The following CHD1L variants were observed in gnomAD, a reference collection of about 807,000 sequenced individuals.
CHD1L encodes the protein ATP-dependent chromatin remodeler CHD1L.
Under a neutral mutation model 115.9 loss-of-function variants are expected in CHD1L, and 118 were observed. The observed-to-expected ratio is 1.02, with a 90% CI of 0.88 to 1.19. The LOEUF is 1.19. Ranked by LOEUF, CHD1L falls within the 50% of genes most tolerant of loss-of-function variation. CHD1L has a pLI of 0.00. For missense variants in CHD1L, 1,179 were observed against 1,065.3 expected (o/e 1.11, Z -1.49); for synonymous variants, 411 against 387.1 (o/e 1.06, Z -0.72).
At chr1:147,287,175 G>A (rs80109976) in intron 18 of CHD1L, among the ~76,000 whole-genome samples, 2,562 of 152,284 alleles carry the variant, frequency 0.017, 72 homozygotes, top group African/African-American at 0.058. Flanking sequence ...GCTACCAAAC[G>A]TTTGTAGTGT....
At chr1:147,197,167 C>T in the CHD1L span, among the ~76,000 whole-genome samples, 1 of 152,104 alleles carries the variant, frequency 6.6e-6, no homozygotes, top group South Asian at 2.1e-4. Context: ...CTTGCAGTTC[C>T]CAGAACTCTA....
chr1:147,271,780 G>A (rs587638788), intron 11 of CHD1L, among the ~76,000 whole-genome samples: 2 of 152,280 alleles, frequency 1.3e-5, no homozygotes, highest in South Asian at 2.1e-4. Context: ...GCAGATTGCT[G>A]GACTGTTAGA....
At chr1:147,191,504 A>T in the CHD1L span, among the ~76,000 whole-genome samples, 1 of 151,400 alleles carries the variant, frequency 6.6e-6, no homozygotes, top group Non-Finnish European at 1.5e-5. Flanking sequence ...GTCTGTTCAT[A>T]TCCTTTGCCC....
the CHD1L span, among the ~76,000 whole-genome samples, chr1:147,214,523 A>G: frequency 6.6e-6 from 1 of 151,490 alleles, no homozygotes; most frequent in Non-Finnish European, 1.5e-5. Flanking sequence ...AGCACTATTT[A>G]TAGTTCCTCT....
At position 147,253,124 on chromosome 1, in the gene CHD1L, T is replaced by C. The variant is rs1350653065; in HGVS notation, c.240+389T>C. Among the ~76,000 whole-genome samples the C allele has an allele frequency of 2.0e-5, 3 of 152,238 alleles. No individual in the cohort carries two copies. In the East Asian group the frequency reaches 5.8e-4, roughly 29 times the overall value. On this transcript the variant is annotated intron_variant, in intron 2 of 22. Coordinates refer to ENST00000369258, the MANE Select transcript of CHD1L (RefSeq NM_004284.6). Reference sequence around the variant, plus strand: ...GTAGTGTCATTATCTAATTTTAGTATTGGGGTAAAGCTGGCCTTGTAGAAT... The same window carrying C: ...GTAGTGTCATTATCTAATTTTAGTACTGGGGTAAAGCTGGCCTTGTAGAAT...
intron 6 of CHD1L, among the ~76,000 whole-genome samples, chr1:147,264,134 T>G (rs1438216774): frequency 7.2e-5 from 11 of 152,216 alleles, no homozygotes; most frequent in Non-Finnish European, 8.8e-5. Context: ...ACAGCCATAT[T>G]AAATTCTCAT....
chr1:147,283,924 A>G (rs1490471314), intron 15 of CHD1L, among the ~76,000 whole-genome samples: 2 of 152,222 alleles, frequency 1.3e-5, no homozygotes, highest in African/African-American at 4.8e-5. Flanking sequence ...CCAAGGGATT[A>G]TTTTTGTGAT....
chr1:147,280,912 GCTT>G (rs1196399209), intron 15 of CHD1L, among the ~76,000 whole-genome samples: 2 of 152,100 alleles, frequency 1.3e-5, no homozygotes, highest in Non-Finnish European at 2.9e-5. Context: ...GTCTTACTAG[GCTT>G]CTTAATTCAC....
chr1:147,189,221 C>T, the CHD1L span, among the ~76,000 whole-genome samples: 6 of 150,964 alleles, frequency 4.0e-5, no homozygotes, highest in African/African-American at 9.8e-5. Flanking sequence ...TTGCAGTGAG[C>T]GAAGATCGTG....
chr1:147,278,968 AG>A (rs1279945404), intron 14 of CHD1L, among the ~76,000 whole-genome samples: 1 of 152,220 alleles, frequency 6.6e-6, no homozygotes, highest in Non-Finnish European at 1.5e-5. Context: ...AGGGAGAGCC[AG>A]GAGGTGAGCA....
intron 11 of CHD1L, among the ~76,000 whole-genome samples, chr1:147,271,920 C>T (rs1553953541): frequency 6.6e-6 from 1 of 152,208 alleles, no homozygotes; most frequent in East Asian, 1.9e-4. Flanking sequence ...TGAGTATTAA[C>T]TTCATAAGTG....
At chr1:147,270,574 A>G (rs1430608799) in intron 10 of CHD1L, among the ~76,000 whole-genome samples, 1 of 151,170 alleles carries the variant, frequency 6.6e-6, no homozygotes, top group African/African-American at 2.4e-5. Context: ...ACATATCTGT[A>G]TTTATTTTGC....
chr1:147,236,432 G>A, the CHD1L span, among the ~76,000 whole-genome samples: 1 of 152,240 alleles, frequency 6.6e-6, no homozygotes, highest in Non-Finnish European at 1.5e-5. Context: ...CTGCGTCCAA[G>A]TAGAATGATG....
At chr1:147,259,362 A>G (rs781791418) in intron 5 of CHD1L, 2 of 152,576 alleles carry the variant, frequency 1.3e-5, no homozygotes, top group Non-Finnish European at 2.9e-5. Context: ...AAGTTCCTAC[A>G]ACACCACTGT....
the CHD1L span, among the ~76,000 whole-genome samples, chr1:147,191,151 C>A: frequency 6.9e-4 from 105 of 152,218 alleles, no homozygotes; most frequent in Admixed American, 2.8e-3. Context: ...CATACGTGTG[C>A]ATGTGTCTTT....
chr1:147,249,341 C>G (rs587674722), intron 1 of CHD1L, among the ~76,000 whole-genome samples: 98 of 148,084 alleles, frequency 6.6e-4, no homozygotes, highest in African/African-American at 2.3e-3. Context: ...TTTCTGGCTG[C>G]ATTTAAGATA....
At chr1:147,269,143 G>C (rs587657417) in intron 10 of CHD1L, among the ~76,000 whole-genome samples, 1 of 152,226 alleles carries the variant, frequency 6.6e-6, no homozygotes, top group African/African-American at 2.4e-5. Context: ...TCTGCTGTCT[G>C]ATTAACTGGT....
the CHD1L span, chr1:147,178,715 AT>A: frequency 6.4e-7 from 1 of 1,570,824 alleles, no homozygotes; most frequent in South Asian, 1.1e-5. Flanking sequence ...GATAACGGAG[AT>A]GGTATCATCT....
chr1:147,195,781 A>G, the CHD1L span, among the ~76,000 whole-genome samples: 1 of 152,120 alleles, frequency 6.6e-6, no homozygotes, highest in Non-Finnish European at 1.5e-5. Flanking sequence ...GGAATTTCAG[A>G]ATGGCAATAT....
Sources: allele counts gnomAD v4.1 joint callset (sites outside exome capture counted in the v4.1 genomes callset), GRCh38; gene constraint gnomAD v4.1.1; transcripts MANE v1.5; gene names NCBI Gene and HGNC (gene_info 2026-07-23, HGNC 2026-07-21).